The following BRINP1 variants were observed in gnomAD, a reference collection of about 807,000 sequenced individuals.
BRINP1 encodes BMP/retinoic acid inducible neural specific 1.
Under a neutral mutation model 72.9 loss-of-function variants are expected in BRINP1, and 17 were observed. The ratio of observed to expected loss-of-function variants is 0.23; its 90% CI spans 0.16 to 0.35. The LOEUF is 0.35. Among genes scored for constraint, BRINP1 ranks in the 10% least tolerant of loss-of-function variants. The pLI, the probability that BRINP1 is intolerant of heterozygous loss-of-function variation, is 1.00. For synonymous variants in BRINP1, 418 were observed against 378.5 expected (o/e 1.10, Z -1.21); for missense variants, 850 against 1,001.6 (o/e 0.85, Z 2.04).
intron 1 of BRINP1, among the ~76,000 whole-genome samples, chr9:119,351,544 C>T (rs1225801821): frequency 2.0e-5 from 3 of 152,102 alleles, no homozygotes; most frequent in African/African-American, 7.2e-5. Flanking sequence ...CAAGAGGAAG[C>T]GCTGAGGGAA....
At chr9:119,334,692 T>C (rs908946466) in intron 1 of BRINP1, among the ~76,000 whole-genome samples, 1 of 152,074 alleles carries the variant, frequency 6.6e-6, no homozygotes, top group Non-Finnish European at 1.5e-5. Flanking sequence ...AAGTGTTTTC[T>C]TATGTTCCTT....
chr9:119,271,242 G>A (rs1008096118), intron 2 of BRINP1, among the ~76,000 whole-genome samples: 51 of 151,730 alleles, frequency 3.4e-4, no homozygotes, highest in African/African-American at 1.2e-3. Flanking sequence ...CCCTCAAGAT[G>A]AGTACAGGGG....
chr9:119,224,107 T>C (rs541648298), intron 5 of BRINP1, among the ~76,000 whole-genome samples: 1 of 152,214 alleles, frequency 6.6e-6, no homozygotes, highest in African/African-American at 2.4e-5. Context: ...GCCAGTTCTA[T>C]ACTGGATGCT....
At chr9:119,318,966 C>A (rs547095998) in intron 1 of BRINP1, among the ~76,000 whole-genome samples, 36 of 151,608 alleles carry the variant, frequency 2.4e-4, no homozygotes, top group African/African-American at 8.0e-4. Flanking sequence ...AAGTGTGGAC[C>A]TTTTGCTCCC....
rs1008262497 is a variant in BRINP1, at chr9:119,183,832, G to T, written c.1146-15608C>A. Among the ~76,000 whole-genome samples, 5 of 152,022 alleles carry T rather than the reference G, an allele frequency of 3.3e-5. No homozygotes were observed. The East Asian group carries it at 5.8e-4, about 18-fold the overall frequency. On this transcript the variant is annotated intron_variant, in intron 7 of 7. Transcript: ENST00000265922. Reference sequence around the variant, plus strand: ...ATTGTAACGATATGAAAAAACTGAGGCTCAGAGAAGGGAAGTAACTTCCTG... The same window carrying T: ...ATTGTAACGATATGAAAAAACTGAGTCTCAGAGAAGGGAAGTAACTTCCTG...
intron 1 of BRINP1, among the ~76,000 whole-genome samples, chr9:119,353,088 T>C (rs1831521757): frequency 6.6e-6 from 1 of 152,222 alleles, no homozygotes; most frequent in Non-Finnish European, 1.5e-5. Flanking sequence ...GACTTCATTT[T>C]ATGGCCTAAA....
chr9:119,168,436 A>ACCTTCC (rs1829347531), intron 7 of BRINP1, among the ~76,000 whole-genome samples: 1 of 152,148 alleles, frequency 6.6e-6, no homozygotes, highest in Non-Finnish European at 1.5e-5. Context: ...ATCGTACTTT[A>ACCTTCC]CCTTCCTAAT....
At chr9:119,313,087 C>A in intron 2 of BRINP1, 51 bp downstream of exon 2, 1 of 1,576,502 alleles carries the variant, frequency 6.3e-7, no homozygotes, top group South Asian at 1.2e-5. Flanking sequence ...CGCCTGACTC[C>A]ACAAAGCATA....
chr9:119,252,156 G>A (rs967624795), intron 2 of BRINP1, among the ~76,000 whole-genome samples: 40 of 152,110 alleles, frequency 2.6e-4, no homozygotes, highest in African/African-American at 9.2e-4. Flanking sequence ...ACATGGCAAG[G>A]AGCCGAGGGA....
intron 1 of BRINP1, among the ~76,000 whole-genome samples, chr9:119,337,310 G>A (rs1475463523): frequency 6.6e-6 from 1 of 152,080 alleles, no homozygotes; most frequent in Non-Finnish European, 1.5e-5. Context: ...AAGGGAATAC[G>A]GTGACAAATC....
intron 1 of BRINP1, among the ~76,000 whole-genome samples, chr9:119,353,373 A>G (rs946817346): frequency 6.6e-6 from 1 of 152,120 alleles, no homozygotes; most frequent in Non-Finnish European, 1.5e-5. Flanking sequence ...ATGTATATTA[A>G]CTATTCAATC....
At chr9:119,222,535 C>T (rs1372834106) in intron 5 of BRINP1, among the ~76,000 whole-genome samples, 2 of 151,924 alleles carry the variant, frequency 1.3e-5, no homozygotes, top group Non-Finnish European at 2.9e-5. Context: ...CTGCTCTGTG[C>T]TGTTGTTTAT....
chr9:119,314,050 T>C (rs149582358), intron 1 of BRINP1, among the ~76,000 whole-genome samples: 88 of 152,346 alleles, frequency 5.8e-4, no homozygotes, highest in Admixed American at 9.1e-4. Context: ...GAAGAGTTCA[T>C]GGAGCTTGCT....
chr9:119,200,292 C>T (rs7850235), intron 7 of BRINP1, among the ~76,000 whole-genome samples: 20,348 of 152,064 alleles, frequency 0.13, 3,038 homozygotes, highest in African/African-American at 0.38. Flanking sequence ...CTGATAGTCT[C>T]ATAGGAGAGA....
intron 1 of BRINP1, among the ~76,000 whole-genome samples, chr9:119,321,703 C>A (rs562918237): frequency 6.6e-6 from 1 of 152,218 alleles, no homozygotes; most frequent in Non-Finnish European, 1.5e-5. Flanking sequence ...CATCCTCCCC[C>A]CTTGGCCTCC....
chr9:119,268,999 T>G (rs922896916), intron 2 of BRINP1, among the ~76,000 whole-genome samples: 14 of 152,196 alleles, frequency 9.2e-5, no homozygotes, highest in African/African-American at 3.1e-4. Context: ...TAAATATGCT[T>G]CTCACAGCTG....
intron 2 of BRINP1, among the ~76,000 whole-genome samples, chr9:119,273,322 T>C (rs189113230): frequency 2.3e-3 from 349 of 152,302 alleles, no homozygotes; most frequent in African/African-American, 7.9e-3. Flanking sequence ...ACTATAATTT[T>C]TGGAAGAATT....
intron 5 of BRINP1, among the ~76,000 whole-genome samples, chr9:119,229,261 A>G (rs891928683): frequency 6.6e-6 from 1 of 152,156 alleles, no homozygotes; most frequent in African/African-American, 2.4e-5. Context: ...ATATAAATAA[A>G]GCAAATATTT....
At chr9:119,179,211 A>G (rs973090491) in intron 7 of BRINP1, among the ~76,000 whole-genome samples, 3 of 152,196 alleles carry the variant, frequency 2.0e-5, no homozygotes, top group Non-Finnish European at 4.4e-5. Context: ...AGGGAGAAGC[A>G]GGTTTTAAAG....
Sources: allele counts gnomAD v4.1 joint callset (sites outside exome capture counted in the v4.1 genomes callset), GRCh38; gene constraint gnomAD v4.1.1; transcripts MANE v1.5; gene names NCBI Gene and HGNC (gene_info 2026-07-23, HGNC 2026-07-21).